The following SYNE1 variants were observed in gnomAD, a reference collection of about 807,000 sequenced individuals.
The protein encoded by SYNE1 is spectrin repeat containing nuclear envelope protein 1.
A neutral mutation model predicts 1,111.0 loss-of-function variants in SYNE1; 616 were observed. That is an observed-to-expected ratio of 0.55 (90% CI 0.52 to 0.59). SYNE1 has a LOEUF of 0.59. Ranked by LOEUF, SYNE1 falls within the 20% of genes least tolerant of loss-of-function variation. The pLI, the probability that SYNE1 is intolerant of heterozygous loss-of-function variation, is 0.00. For missense variants in SYNE1, 10,006 were observed against 10,417.0 expected, an observed-to-expected ratio of 0.96 and a Z score of 1.72; for synonymous variants, 3,855 against 3,825.8, an observed-to-expected ratio of 1.01 and a Z score of -0.28.
intron 64 of SYNE1, among the ~76,000 whole-genome samples, chr6:152,360,944 A>G (rs540812069): frequency 6.6e-6 from 1 of 152,326 alleles, no homozygotes; most frequent in South Asian, 2.1e-4. Context: ...AAGCATCTCT[A>G]TTCACTGAAG....
chr6:152,336,787 G>GT (rs774407978), intron 76 of SYNE1, 54 bp downstream of exon 76: 1 of 1,599,520 alleles, frequency 6.3e-7, no homozygotes, highest in African/African-American at 1.3e-5. Flanking sequence ...CACATTTCAG[G>GT]TTTTCTACTC....
Position 152,151,541 on chromosome 6 carries a change from A to G in SYNE1, c.24450+12T>C. 2 of 1,613,642 alleles carry G rather than the reference A, an allele frequency of 1.2e-6. No homozygotes were observed. Among genetic ancestry groups the G allele is most frequent in the Non-Finnish European group, 1.7e-6 (2 of 1,179,906 alleles). On this transcript the variant is annotated intron_variant, in intron 135 of 145. Coordinates refer to ENST00000367255, the MANE Select transcript of SYNE1 (RefSeq NM_182961.4). Reference sequence around the variant, plus strand: ...TTTCTTCACTTTGGTAACTTGAAAAATAATCTATTACCTTGAGTTGCTTTA... The same window carrying G: ...TTTCTTCACTTTGGTAACTTGAAAAGTAATCTATTACCTTGAGTTGCTTTA...
intron 105 of SYNE1, among the ~76,000 whole-genome samples, chr6:152,247,302 T>C (rs1188950933): frequency 3.3e-5 from 5 of 152,242 alleles, no homozygotes; most frequent in Admixed American, 3.3e-4. Context: ...CGTTCATTAG[T>C]TGCATTCCAT....
At chr6:152,566,342 C>T (rs1021773689) in intron 3 of SYNE1, among the ~76,000 whole-genome samples, 7 of 146,236 alleles carry the variant, frequency 4.8e-5, no homozygotes, top group African/African-American at 7.5e-5. Flanking sequence ...TTTGTATTTT[C>T]GTTTTGCAGT....
intron 3 of SYNE1, among the ~76,000 whole-genome samples, chr6:152,557,088 G>C (rs955750172): frequency 1.3e-5 from 2 of 152,060 alleles, no homozygotes; most frequent in East Asian, 1.9e-4. Flanking sequence ...AAAAAAATCA[G>C]AAGTTCAACA....
Position 152,453,510 on chromosome 6 carries a change from T to C in SYNE1, c.3027+76A>G, listed in dbSNP as rs774691953. The stretch of plus-strand genomic sequence containing the variant: ...TTTCCAGGAATTTCTAAATTTCTCT[T>C]ACATTTGGACCTTAACACGCTCAAG... On this transcript the variant is annotated intron_variant, in intron 25 of 145. Transcript: ENST00000367255. 8 of 1,608,172 alleles carry C rather than the reference T, an allele frequency of 5.0e-6. No homozygotes were observed. The South Asian group carries it at 8.8e-5, about 18-fold the overall frequency.
chr6:152,211,105 C>T (rs1332833989), intron 124 of SYNE1, among the ~76,000 whole-genome samples: 1 of 152,116 alleles, frequency 6.6e-6, no homozygotes, highest in East Asian at 1.9e-4. Context: ...GAGAGATGGG[C>T]TAGTGATCTC....
intron 81 of SYNE1, 150 bp from the exon 82 acceptor site, chr6:152,323,887 C>A: frequency 1.2e-6 from 1 of 856,340 alleles, no homozygotes; most frequent in Admixed American, 2.3e-5. Flanking sequence ...CCTGAGCAAC[C>A]TTCTTAACAT....
intron 3 of SYNE1, among the ~76,000 whole-genome samples, chr6:152,557,582 A>G (rs935959723): frequency 1.3e-4 from 20 of 152,184 alleles, no homozygotes; most frequent in African/African-American, 4.8e-4. Flanking sequence ...GTGATTTGTT[A>G]TGTATAAGGG....
chr6:152,498,623 A>G, intron 11 of SYNE1, 119 bp downstream of exon 11: 1 of 592,566 alleles, frequency 1.7e-6, no homozygotes, highest in Non-Finnish European at 2.8e-6. Flanking sequence ...AAATGATGTG[A>G]TTAAAGTATT....
chr6:152,580,958 C>G (rs17082831), intron 3 of SYNE1, among the ~76,000 whole-genome samples: 5,539 of 152,288 alleles, frequency 0.036, 347 homozygotes, highest in African/African-American at 0.13. Flanking sequence ...ATTCATTGGG[C>G]TACATCTGTT....
intron 14 of SYNE1, among the ~76,000 whole-genome samples, chr6:152,476,730 G>A (rs1372327827): frequency 2.0e-5 from 3 of 152,032 alleles, no homozygotes; most frequent in Non-Finnish European, 4.4e-5. Context: ...TTAGTCAGGT[G>A]TGGTGGCCCA....
chr6:152,132,230 AT>A lies in SYNE1; in HGVS notation c.26002-17del. 6.2e-7 allele frequency: 1 copy of A among 1,612,838 alleles called. No individual in the cohort carries two copies. Among genetic ancestry groups the A allele is most frequent in the South Asian group, 1.1e-5 (1 of 91,064 alleles). On this transcript the variant is annotated splice_polypyrimidine_tract_variant and intron_variant, in intron 143 of 145. Transcript: ENST00000367255. Reference sequence around the variant, plus strand: ...AAGACAAATCCTATGTGGGAGAAAGATTCTTTTAACAACTCCATGTCCCAGA... The same window carrying A: ...AAGACAAATCCTATGTGGGAGAAAGATCTTTTAACAACTCCATGTCCCAGA...
rs1216150765 is a variant in SYNE1, at chr6:152,337,094, T to C, written c.12352-77A>G. The C allele has an allele frequency of 2.7e-6, 4 of 1,475,118 alleles. No homozygotes were observed. In the African/African-American group the frequency reaches 4.2e-5, roughly 15 times the overall value. 91.4% of individuals were successfully genotyped at this position (1,475,118 alleles called of 1,614,324 possible). A position where few individuals can be genotyped will look rare whatever the true frequency, so the allele number is the denominator to read the frequency against. On this transcript the variant is annotated intron_variant, in intron 75 of 145. Coordinates refer to ENST00000367255, the MANE Select transcript of SYNE1 (RefSeq NM_182961.4). ...GGTTAATGAATCAGAGATGGAACTT[T>C]CCAGCTGGCCTGTGCACTCATTTGA...
At chr6:152,412,317 G>A (rs214984) in intron 42 of SYNE1, among the ~76,000 whole-genome samples, 62,345 of 151,420 alleles carry the variant, frequency 0.41, 13,254 homozygotes, top group East Asian at 0.75. Context: ...CCAGCTACTC[G>A]GGAGGCTGAG....
intron 100 of SYNE1, among the ~76,000 whole-genome samples, chr6:152,264,033 A>AC (rs1326049923): frequency 2.0e-5 from 3 of 151,504 alleles, no homozygotes; most frequent in Non-Finnish European, 4.4e-5. Flanking sequence ...ACATGATGAA[A>AC]CCTCATTTCT....
Position 152,455,537 on chromosome 6 carries a change from G to A in SYNE1, c.2781C>T (p.Arg927=), listed in dbSNP as rs756414700. ...DWKKHVETNS[R]LMKKFEESRA... ...GAGACTCCTCAAACTTCTTCATCAA[G>A]CGACTGTTGGTTTCCACATGCTTCT... Residue 927 remains arginine (R), a synonymous_variant, in exon 24 of 146, where the codon CGC becomes CGT. Transcript: ENST00000367255. 3 of 1,614,080 alleles carry A rather than the reference G, an allele frequency of 1.9e-6. No homozygotes were observed. Among genetic ancestry groups the A allele is most frequent in the South Asian group, 2.2e-5 (2 of 91,076 alleles).
At chr6:152,187,928 G>T (rs1254751850) in intron 128 of SYNE1, among the ~76,000 whole-genome samples, 2 of 152,062 alleles carry the variant, frequency 1.3e-5, no homozygotes, top group Non-Finnish European at 2.9e-5. Context: ...GTTTCACCAT[G>T]TTGGCCAGGC....
chr6:152,256,514 C>T lies in SYNE1; in HGVS notation c.19104+120G>A, dbSNP rs889682996. On this transcript the variant is annotated intron_variant, in intron 102 of 145. Coordinates refer to ENST00000367255, the MANE Select transcript of SYNE1 (RefSeq NM_182961.4). ...GTGATCTTTGTTTCAGCGCTTATCACTAGTGTTGGGTCTCATGCTCAGGGG... is the reference window on the plus strand; with the variant it reads ...GTGATCTTTGTTTCAGCGCTTATCATTAGTGTTGGGTCTCATGCTCAGGGG... The T allele has an allele frequency of 3.2e-6, 4 of 1,250,638 alleles. No homozygotes were observed. In the African/African-American group the frequency reaches 4.5e-5, roughly 14 times the overall value. The allele number at this position is 1,250,638 out of a possible 1,614,324, so 77.5% of individuals were successfully genotyped here.
Sources: gnomAD v4.1 joint callset for allele counts (sites outside exome capture counted in the v4.1 genomes callset) on GRCh38, gnomAD v4.1.1 for gene constraint, MANE v1.5 for transcripts, NCBI Gene and HGNC (gene_info 2026-07-23, HGNC 2026-07-21) for gene names.